Variants in ARHGAP26 observed in about 807,000 individuals in gnomAD.
ARHGAP26 encodes rho GTPase-activating protein 26.
Under a neutral mutation model 104.8 loss-of-function variants are expected in ARHGAP26, and 38 were observed. The ratio of observed to expected loss-of-function variants is 0.36; its 90% CI spans 0.28 to 0.48. ARHGAP26 has a LOEUF of 0.48. ARHGAP26 is among the 20% of genes least tolerant of loss of function. ARHGAP26 has a pLI of 0.99. For missense variants in ARHGAP26, 704 were observed against 947.9 expected, an observed-to-expected ratio of 0.74 and a Z score of 3.38; for synonymous variants, 341 against 340.0, an observed-to-expected ratio of 1.00 and a Z score of -0.03.
intron 17 of ARHGAP26, among the ~76,000 whole-genome samples, chr5:143,098,197 AC>A (rs1469396128): frequency 1.3e-5 from 2 of 152,198 alleles, no homozygotes; most frequent in Non-Finnish European, 2.9e-5. Flanking sequence ...GACATATTTG[AC>A]CATAAGTTCT....
chr5:142,996,632 T>A (rs1776436057), intron 11 of ARHGAP26, among the ~76,000 whole-genome samples: 1 of 152,158 alleles, frequency 6.6e-6, no homozygotes, highest in African/African-American at 2.4e-5. Flanking sequence ...TTACCCCTCC[T>A]ATTGTCTTGA....
chr5:142,863,976 C>T (rs1281714486), intron 1 of ARHGAP26, among the ~76,000 whole-genome samples: 1 of 152,124 alleles, frequency 6.6e-6, no homozygotes, highest in African/African-American at 2.4e-5. Flanking sequence ...AGAGAGGAAT[C>T]CCTGCTCCAC....
chr5:143,153,675 T>C (rs1216132006), intron 20 of ARHGAP26, among the ~76,000 whole-genome samples: 1 of 152,218 alleles, frequency 6.6e-6, no homozygotes, highest in African/African-American at 2.4e-5. Flanking sequence ...ACTGCAATGA[T>C]GGAACCCAAC....
At chr5:143,092,224 C>A (rs1210153379) in intron 17 of ARHGAP26, among the ~76,000 whole-genome samples, 1 of 138,022 alleles carries the variant, frequency 7.2e-6, no homozygotes, top group Non-Finnish European at 1.5e-5. Flanking sequence ...AGTGCAGTGG[C>A]ACGATCTCGG....
intron 1 of ARHGAP26, among the ~76,000 whole-genome samples, chr5:142,824,017 A>G (rs558406959): frequency 3.3e-5 from 5 of 152,158 alleles, no homozygotes; most frequent in Non-Finnish European, 7.4e-5. Flanking sequence ...GACTTCACTT[A>G]TTTTTGTGTG....
chr5:142,941,604 A>G (rs114319655), intron 11 of ARHGAP26, among the ~76,000 whole-genome samples: 2,792 of 152,334 alleles, frequency 0.018, 79 homozygotes, highest in African/African-American at 0.064. Context: ...GGTGGACTTC[A>G]TAATAGGTGC....
intron 13 of ARHGAP26, 51 bp downstream of exon 13, chr5:143,037,312 G>A: frequency 4.0e-6 from 6 of 1,487,040 alleles, no homozygotes; most frequent in Non-Finnish European, 5.5e-6. Flanking sequence ...CACGCATCTG[G>A]TGAGGAGTCA....
chr5:143,150,263 C>T lies in ARHGAP26; in HGVS notation c.1988+2882C>T, dbSNP rs903581072. On this transcript the variant is annotated intron_variant, in intron 20 of 22. Coordinates refer to ENST00000645722, the MANE Select transcript of ARHGAP26 (RefSeq NM_001135608.3). The stretch of plus-strand genomic sequence containing the variant: ...GCTGAACCTATTTTATGCCCAGACC[C>T]ATGCATGCCAAGCTACCTGGGGTAA... 5.9e-5 allele frequency among the ~76,000 whole-genome samples: 9 copies of T among 152,310 alleles called. No homozygotes were observed. The East Asian group carries it at 1.7e-3, about 29-fold the overall frequency.
At chr5:143,052,555 T>C (rs1785193833) in intron 14 of ARHGAP26, among the ~76,000 whole-genome samples, 1 of 152,194 alleles carries the variant, frequency 6.6e-6, no homozygotes. Flanking sequence ...TATTGCTCAG[T>C]GTCACCTGCA....
At chr5:142,838,241 G>C (rs1361742664) in intron 1 of ARHGAP26, among the ~76,000 whole-genome samples, 1 of 151,654 alleles carries the variant, frequency 6.6e-6, no homozygotes, top group East Asian at 1.9e-4. Flanking sequence ...CTGGGCAAGA[G>C]AGTGAGACTC....
intron 17 of ARHGAP26, among the ~76,000 whole-genome samples, chr5:143,103,798 G>C (rs1793607879): frequency 6.6e-6 from 1 of 152,140 alleles, no homozygotes; most frequent in Non-Finnish European, 1.5e-5. Flanking sequence ...CCTAACAGGG[G>C]GTAGGGGGAA....
At chr5:143,163,000 C>T (rs1175854731) in intron 20 of ARHGAP26, among the ~76,000 whole-genome samples, 1 of 151,988 alleles carries the variant, frequency 6.6e-6, no homozygotes, top group Non-Finnish European at 1.5e-5. Context: ...GCCTGTGGTC[C>T]CATCTACTTG....
chr5:143,113,779 A>G (rs1417850442), intron 17 of ARHGAP26, among the ~76,000 whole-genome samples: 1 of 152,214 alleles, frequency 6.6e-6, no homozygotes, highest in East Asian at 1.9e-4. Context: ...TGTGAAGTGA[A>G]TGAGGGAGAG....
chr5:142,929,726 G>A (rs897849769), intron 10 of ARHGAP26, among the ~76,000 whole-genome samples: 7 of 152,326 alleles, frequency 4.6e-5, no homozygotes, highest in African/African-American at 1.2e-4. Flanking sequence ...CTTCCTCTGT[G>A]GCTTGGGGTG....
intron 3 of ARHGAP26, among the ~76,000 whole-genome samples, chr5:142,875,649 G>A (rs1451744318): frequency 6.6e-6 from 1 of 152,122 alleles, no homozygotes; most frequent in African/African-American, 2.4e-5. Flanking sequence ...TGTAATGAAG[G>A]TAACTATAAA....
At chr5:142,857,738 G>A (rs1418719566) in intron 1 of ARHGAP26, among the ~76,000 whole-genome samples, 1 of 152,124 alleles carries the variant, frequency 6.6e-6, no homozygotes, top group Non-Finnish European at 1.5e-5. Flanking sequence ...GGGACTTTCC[G>A]GGTCTTCGGG....
At position 142,983,318 on chromosome 5, in the gene ARHGAP26, T is replaced by C. The variant is rs144490130; in HGVS notation, c.1108-30762T>C. Among the ~76,000 whole-genome samples, 273 of 152,328 alleles carry C rather than the reference T, an allele frequency of 1.8e-3. 1 individual carries two copies. Among genetic ancestry groups the C allele is most frequent in the African/African-American group, 6.1e-3 (254 of 41,574 alleles). On this transcript the variant is annotated intron_variant, in intron 11 of 22. Coordinates refer to ENST00000645722, the MANE Select transcript of ARHGAP26 (RefSeq NM_001135608.3). ...ACCTCCCGGGTTCAAGCGACCCTCC[T>C]GCCTCAGCCTTGTGAGTATCTGGAA... is the stretch of plus-strand genomic sequence containing the variant.
intron 14 of ARHGAP26, among the ~76,000 whole-genome samples, chr5:143,049,624 C>T (rs1204924673): frequency 6.6e-6 from 1 of 152,072 alleles, no homozygotes; most frequent in Non-Finnish European, 1.5e-5. Flanking sequence ...TTAATCAAAC[C>T]TTTGCTTTTA....
At chr5:142,967,821 G>C (rs984091361) in intron 11 of ARHGAP26, among the ~76,000 whole-genome samples, 2 of 152,112 alleles carry the variant, frequency 1.3e-5, no homozygotes, top group Non-Finnish European at 2.9e-5. Context: ...AATAGGAAAG[G>C]GTGGTGCACG....
Sources: allele counts gnomAD v4.1 joint callset (sites outside exome capture counted in the v4.1 genomes callset), GRCh38; gene constraint gnomAD v4.1.1; transcripts MANE v1.5; gene names NCBI Gene and HGNC (gene_info 2026-07-23, HGNC 2026-07-21).